MED13L: variants seen among roughly 807,000 people sequenced by gnomAD.
MED13L encodes the protein mediator complex subunit 13L.
MED13L carries 7 observed loss-of-function variants against 220.9 expected under a neutral mutation model. The ratio of observed to expected loss-of-function variants is 0.03; its 90% CI spans 0.02 to 0.06. MED13L has a LOEUF of 0.06. Ranked by LOEUF, MED13L falls within the 10% of genes least tolerant of loss-of-function variation. The pLI is 1.00. For synonymous variants in MED13L, 1,011 were observed against 1,015.2 expected (o/e 1.00, Z 0.08); for missense variants, 1,965 against 2,760.5 (o/e 0.71, Z 6.46).
intron 1 of MED13L, among the ~76,000 whole-genome samples, chr12:116,255,384 T>C (rs1166513199): frequency 6.6e-6 from 1 of 152,236 alleles, no homozygotes; most frequent in Admixed American, 6.5e-5. Flanking sequence ...TAAAATAAGT[T>C]ACTGGATTGC....
In MED13L at chr12:116,196,892, T is replaced by G. The variant is rs573403814; in HGVS notation, c.310+40576A>C. The stretch of plus-strand genomic sequence containing the variant: ...CATTAATTTTAGCATTAGACAGACA[T>G]GTCTTCAAAATTTGAAGGCATTTAT... On this transcript the variant is annotated intron_variant, in intron 2 of 30. Transcript: ENST00000281928. Among the ~76,000 whole-genome samples, 9 of 152,328 alleles carry G rather than the reference T, an allele frequency of 5.9e-5. 4 individuals are homozygous for G. The highest frequency in any genetic ancestry group is 2.2e-4 in the African/African-American group (9 of 41,568).
At position 116,237,247 on chromosome 12, in the gene MED13L, T is replaced by G. The variant is rs61935859; in HGVS notation, c.310+221A>C. On this transcript the variant is annotated intron_variant, in intron 2 of 30. Coordinates refer to ENST00000281928, the MANE Select transcript of MED13L (RefSeq NM_015335.5). ...CAATACTCTCATTTAACAGCAGCGGTTCACAAGGTTCTGATTCTCAGCATA... is the reference window on the plus strand; with the variant it reads ...CAATACTCTCATTTAACAGCAGCGGGTCACAAGGTTCTGATTCTCAGCATA... Among the ~76,000 whole-genome samples, 11,192 of 152,052 alleles carry G rather than the reference T, an allele frequency of 0.074. 518 individuals are homozygous for G. The highest frequency in any genetic ancestry group is 0.11 in the Non-Finnish European group (7,302 of 67,964).
intron 2 of MED13L, among the ~76,000 whole-genome samples, chr12:116,226,650 C>T (rs1869029020): frequency 6.6e-6 from 1 of 152,190 alleles, no homozygotes. Flanking sequence ...GGGCAGATCA[C>T]TTGAGGTCAG....
chr12:116,273,935 A>C (rs1444797070), intron 1 of MED13L, among the ~76,000 whole-genome samples: 1 of 152,252 alleles, frequency 6.6e-6, no homozygotes, highest in Non-Finnish European at 1.5e-5. Flanking sequence ...ACTTTTCAAA[A>C]AGGCAGATTT....
At chr12:116,014,971 T>G (rs1288029831) in intron 8 of MED13L, 138 bp downstream of exon 8, 2 of 827,282 alleles carry the variant, frequency 2.4e-6, no homozygotes, top group Non-Finnish European at 4.0e-6. Flanking sequence ...TTTATTCTAT[T>G]AAATTCAAAA....
intron 9 of MED13L, among the ~76,000 whole-genome samples, chr12:116,009,417 G>T (rs200815992): frequency 6.6e-6 from 1 of 152,080 alleles, no homozygotes; most frequent in Non-Finnish European, 1.5e-5. Flanking sequence ...TTTTAGATTT[G>T]GTGAGGGCCT....
At chr12:116,015,921 A>G (rs1287356032) in intron 7 of MED13L, among the ~76,000 whole-genome samples, 2 of 152,214 alleles carry the variant, frequency 1.3e-5, no homozygotes, top group African/African-American at 2.4e-5. Context: ...TTAAAAATTC[A>G]CTGGTTTCTC....
intron 2 of MED13L, among the ~76,000 whole-genome samples, chr12:116,179,379 G>A (rs759579438): frequency 2.6e-5 from 4 of 152,058 alleles, no homozygotes; most frequent in African/African-American, 4.8e-5. Context: ...GGAGGCCAGG[G>A]CAGGAGGATC....
intron 3 of MED13L, among the ~76,000 whole-genome samples, 181 bp from the exon 4 acceptor site, chr12:116,096,933 G>C (rs1872682123): frequency 2.0e-5 from 3 of 152,066 alleles, no homozygotes; most frequent in South Asian, 4.1e-4. Context: ...GGGACACTGG[G>C]CACAGATTCT....
At chr12:115,976,195 C>T (rs1177444651) in intron 23 of MED13L, among the ~76,000 whole-genome samples, 2 of 151,956 alleles carry the variant, frequency 1.3e-5, no homozygotes, top group Non-Finnish European at 2.9e-5. Flanking sequence ...TATATGTTTA[C>T]CAAAAAACAG....
At chr12:116,260,011 C>G (rs572812560) in intron 1 of MED13L, among the ~76,000 whole-genome samples, 7 of 152,106 alleles carry the variant, frequency 4.6e-5, no homozygotes, top group Non-Finnish European at 1.0e-4. Context: ...TTAACAAGAA[C>G]AGAAGAAGAA....
At position 116,015,228 on chromosome 12, in the gene MED13L, T is replaced by C. The variant is rs751222535; in HGVS notation, c.1056A>G (p.Gln352=). Residue 352 remains glutamine, a synonymous_variant, in exon 8 of 31, where the codon CAA becomes CAG. Coordinates refer to ENST00000281928, the MANE Select transcript of MED13L (RefSeq NM_015335.5). ...TGTGCATCGTTATCATCCCTCCATCTTGGGAAACCAGGTGACTGGCAGCAC... is the reference window on the plus strand; with the variant it reads ...TGTGCATCGTTATCATCCCTCCATCCTGGGAAACCAGGTGACTGGCAGCAC... ...MQSAASHLVS[Q]DGGMITMHSP... 28 of 1,613,886 alleles carry C rather than the reference T, an allele frequency of 1.7e-5. No homozygotes were observed. The highest frequency in any genetic ancestry group is 2.1e-5 in the Non-Finnish European group (25 of 1,179,906).
chr12:116,183,816 GTGTA>G (rs1555220626), intron 2 of MED13L, among the ~76,000 whole-genome samples: 6,147 of 97,764 alleles, frequency 0.063, 156 homozygotes, highest in African/African-American at 0.095. Flanking sequence ...GTGTGTGTGT[GTGTA>G]TGTGTGTGTG....
intron 1 of MED13L, among the ~76,000 whole-genome samples, chr12:116,262,428 T>C (rs1872580147): frequency 6.6e-6 from 1 of 152,248 alleles, no homozygotes; most frequent in Non-Finnish European, 1.5e-5. Flanking sequence ...CATATATAAC[T>C]AAATTTCTCA....
intron 4 of MED13L, among the ~76,000 whole-genome samples, chr12:116,061,564 T>C (rs1407669241): frequency 1.3e-5 from 2 of 152,128 alleles, no homozygotes; most frequent in African/African-American, 2.4e-5. Context: ...CTTCAGGACA[T>C]GATAGTTACT....
At chr12:116,207,241 T>C (rs1426843428) in intron 2 of MED13L, among the ~76,000 whole-genome samples, 1 of 151,970 alleles carries the variant, frequency 6.6e-6, no homozygotes, top group Non-Finnish European at 1.5e-5. Flanking sequence ...GCTCGAAAGA[T>C]TCTCCTGCCT....
intron 9 of MED13L, among the ~76,000 whole-genome samples, chr12:116,010,882 CTTTTTTTTT>C (rs751574971): frequency 7.2e-6 from 1 of 138,612 alleles, no homozygotes; most frequent in Non-Finnish European, 1.6e-5. Flanking sequence ...AAGGATTTTT[CTTTTTTTTT>C]TTTTTTGAGA....
At chr12:116,201,780 A>G (rs1882020886) in intron 2 of MED13L, among the ~76,000 whole-genome samples, 1 of 152,224 alleles carries the variant, frequency 6.6e-6, no homozygotes, top group African/African-American at 2.4e-5. Context: ...AGCCATCCAT[A>G]TAAGACTATA....
rs374661953 is a variant in MED13L, at chr12:116,008,859, C to G, written c.1554G>C (p.Glu518Asp). The change falls in exon 10 of 31, where the codon GAG (glutamate) becomes GAC (aspartate). Residue 518 changes from glutamate (E) to aspartate (D), a missense_variant. By Grantham distance (45) the Glu-to-Asp change is conservative. Around this residue, in one of 10 missense-constraint regions of MED13L, gnomAD observed 818 missense variants for 1,041.2 expected, o/e 0.79. Coordinates refer to ENST00000281928, the MANE Select transcript of MED13L (RefSeq NM_015335.5). The stretch of plus-strand genomic sequence containing the variant: ...TATCATATTTCCTACTGCTAGACAC[C>G]TCTAAGGAGGAGTCTATCCCTGCCA... ...LGLAGIDSSL[E>D]VSSSRKYDKQ... 2 of 1,613,972 alleles carry G rather than the reference C, an allele frequency of 1.2e-6. No homozygotes were observed. The highest frequency in any genetic ancestry group is 2.7e-5 in the African/African-American group (2 of 74,912).
Sources: gnomAD v4.1 joint callset for allele counts (sites outside exome capture counted in the v4.1 genomes callset) on GRCh38, gnomAD v4.1.1 for gene constraint, gnomAD v4.1.1 regional missense constraint, MANE v1.5 for transcripts, NCBI Gene and HGNC (gene_info 2026-07-23, HGNC 2026-07-21) for gene names.